The following SCIN variants were observed in gnomAD, a reference collection of about 807,000 sequenced individuals.
The protein encoded by SCIN is scinderin.
Under a neutral mutation model 91.8 loss-of-function variants are expected in SCIN, and 91 were observed. The observed-to-expected ratio is 0.99, with a 90% confidence interval of 0.84 to 1.18. The LOEUF is 1.18. Ranked by LOEUF, SCIN falls within the 50% of genes most tolerant of loss-of-function variation. The pLI is 0.00. For synonymous variants in SCIN, 367 were observed against 312.6 expected (o/e 1.17, Z -1.84); for missense variants, 1,087 against 863.9 (o/e 1.26, Z -3.24).
At chr7:12,633,488 C>G (rs970677120) in intron 9 of SCIN, among the ~76,000 whole-genome samples, 2 of 152,084 alleles carry the variant, frequency 1.3e-5, no homozygotes, top group Non-Finnish European at 2.9e-5. Flanking sequence ...GTGTGGATGG[C>G]AGTTTGGTAC....
intron 11 of SCIN, among the ~76,000 whole-genome samples, chr7:12,643,780 C>T (rs987018659): frequency 1.3e-5 from 2 of 152,228 alleles, no homozygotes; most frequent in Non-Finnish European, 2.9e-5. Context: ...TCCTCCGTCT[C>T]AGCTGCTCCC....
rs144469083 is a variant in SCIN, at chr7:12,607,760, G to A, written c.666+3097G>A. 3.3e-5 allele frequency among the ~76,000 whole-genome samples: 5 copies of A among 152,242 alleles called. No homozygotes were observed. The East Asian group carries it at 9.6e-4, about 29-fold the overall frequency. ...AGCATTCAGTGGTCTTTTCGCTTTT[G>A]GAAATGTAGTTTTGTAGCCTGATTA... On this transcript the variant is annotated intron_variant, in intron 4 of 15. Coordinates refer to ENST00000297029, the MANE Select transcript of SCIN (RefSeq NM_001112706.3).
chr7:12,611,713 G>A (rs954797742), intron 4 of SCIN, among the ~76,000 whole-genome samples: 2 of 152,098 alleles, frequency 1.3e-5, no homozygotes, highest in Non-Finnish European at 2.9e-5. Context: ...AATATATTTA[G>A]CATTTTTGAA....
intron 3 of SCIN, among the ~76,000 whole-genome samples, chr7:12,586,988 G>A (rs567245237): frequency 6.6e-6 from 1 of 152,196 alleles, no homozygotes; most frequent in South Asian, 2.1e-4. Flanking sequence ...AGCAATATAG[G>A]AGGAATAAAT....
intron 6 of SCIN, 72 bp downstream of exon 6, chr7:12,625,214 AT>A (rs1783489822): frequency 1.5e-6 from 2 of 1,304,108 alleles, no homozygotes; most frequent in South Asian, 1.8e-5. Context: ...AATAAAATAT[AT>A]TTTTTGATTT....
chr7:12,619,791 A>C (rs554148201), intron 4 of SCIN, among the ~76,000 whole-genome samples: 2 of 152,154 alleles, frequency 1.3e-5, no homozygotes, highest in African/African-American at 4.8e-5. Flanking sequence ...GTTTTGGGTC[A>C]GTGGGAGCAC....
At chr7:12,585,821 T>C (rs533406208) in intron 3 of SCIN, among the ~76,000 whole-genome samples, 6 of 152,338 alleles carry the variant, frequency 3.9e-5, no homozygotes, top group African/African-American at 1.2e-4. Flanking sequence ...CACCAGACTT[T>C]TGCTGTTGCA....
At chr7:12,600,469 A>G (rs1036924236) in intron 3 of SCIN, among the ~76,000 whole-genome samples, 4 of 152,238 alleles carry the variant, frequency 2.6e-5, no homozygotes, top group African/African-American at 9.6e-5. Flanking sequence ...CATCTAAATA[A>G]ATGCCACCTG....
intron 1 of SCIN, among the ~76,000 whole-genome samples, chr7:12,572,928 G>A (rs1314465513): frequency 6.6e-6 from 1 of 151,982 alleles, no homozygotes; most frequent in African/African-American, 2.4e-5. Flanking sequence ...GACAAAAAGT[G>A]ATATAACACA....
At chr7:12,572,167 TTGAGAAA>T (rs1170773066) in intron 1 of SCIN, among the ~76,000 whole-genome samples, 2 of 152,186 alleles carry the variant, frequency 1.3e-5, no homozygotes, top group Non-Finnish European at 2.9e-5. Flanking sequence ...GAACAGGCAT[TTGAGAAA>T]TGAGAAATGA....
chr7:12,642,602 A>G (rs531520437), intron 11 of SCIN, among the ~76,000 whole-genome samples: 1 of 149,660 alleles, frequency 6.7e-6, no homozygotes, highest in South Asian at 2.2e-4. Context: ...CCATCCCACT[A>G]GTCCACTGAA....
intron 14 of SCIN, among the ~76,000 whole-genome samples, chr7:12,650,724 C>T (rs1292194387): frequency 6.6e-6 from 1 of 152,130 alleles, no homozygotes; most frequent in East Asian, 1.9e-4. Context: ...AGGATATATA[C>T]AGATTGTATA....
At chr7:12,604,723 GGTGTGT>G in intron 4 of SCIN, 60 bp downstream of exon 4, 4 of 919,380 alleles carry the variant, frequency 4.4e-6, no homozygotes, top group Non-Finnish European at 4.6e-6. Flanking sequence ...GTGTCTGTGT[GGTGTGT>G]GTGTGTGTGT....
intron 10 of SCIN, among the ~76,000 whole-genome samples, chr7:12,638,928 T>C (rs117934938): frequency 0.023 from 3,492 of 152,322 alleles, 54 homozygotes; most frequent in Non-Finnish European, 0.036. Context: ...ATGCATTGTC[T>C]TACATATTTC....
chr7:12,591,024 AG>A (rs1782710771), intron 3 of SCIN, among the ~76,000 whole-genome samples: 1 of 152,062 alleles, frequency 6.6e-6, no homozygotes. Context: ...CTGCATATCC[AG>A]CAATCTGGGG....
intron 1 of SCIN, among the ~76,000 whole-genome samples, chr7:12,572,023 C>T (rs1157578971): frequency 6.6e-6 from 1 of 152,148 alleles, no homozygotes; most frequent in Non-Finnish European, 1.5e-5. Flanking sequence ...GAGGAAAACA[C>T]ACAAAACCAC....
At chr7:12,579,843 G>A (rs1782452080) in intron 2 of SCIN, among the ~76,000 whole-genome samples, 1 of 152,184 alleles carries the variant, frequency 6.6e-6, no homozygotes, top group Non-Finnish European at 1.5e-5. Context: ...GAACCCAGGA[G>A]GCAGAGGTTG....
chr7:12,576,724 G>C (rs922213415), intron 1 of SCIN, among the ~76,000 whole-genome samples: 22 of 102,076 alleles, frequency 2.2e-4, no homozygotes, highest in African/African-American at 9.2e-4. Flanking sequence ...CCCAAAAGTT[G>C]CTTTATGACC....
At position 12,652,576 on chromosome 7, in the gene SCIN, A is replaced by G. The variant is rs200125224; in HGVS notation, c.2021-12A>G. The G allele has an allele frequency of 1.2e-4, 191 of 1,611,506 alleles. No individual in the cohort carries two copies. Among genetic ancestry groups the G allele is most frequent in the Middle Eastern group, 3.3e-4 (2 of 6,076 alleles). ...ACTAACTGAATTTATATGTCTTTACAACTTTTTTTAGCCAAAATGTACCTT... is the reference window on the plus strand; with the variant it reads ...ACTAACTGAATTTATATGTCTTTACGACTTTTTTTAGCCAAAATGTACCTT... On this transcript the variant is annotated splice_polypyrimidine_tract_variant and intron_variant, in intron 15 of 15. Transcript: ENST00000297029.
Sources: gnomAD v4.1 joint callset for allele counts (sites outside exome capture counted in the v4.1 genomes callset) on GRCh38, gnomAD v4.1.1 for gene constraint, MANE v1.5 for transcripts, NCBI Gene and HGNC (gene_info 2026-07-23, HGNC 2026-07-21) for gene names.